RNLS: variants seen among roughly 807,000 people sequenced by gnomAD.
RNLS encodes the protein renalase.
In RNLS, 39 loss-of-function variants were observed where a neutral mutation model predicts 39.8. The observed-to-expected ratio is 0.98, with a 90% CI of 0.76 to 1.28. The LOEUF is 1.28. RNLS is among the 50% of genes most tolerant of loss of function. The pLI, the probability that RNLS is intolerant of heterozygous loss-of-function variation, is 0.00. For missense variants in RNLS, 410 were observed against 413.3 expected, an observed-to-expected ratio of 0.99 and a Z score of 0.07; for synonymous variants, 147 against 150.7, an observed-to-expected ratio of 0.98 and a Z score of 0.18.
chr10:88,448,188 C>G (rs1463388638), intron 4 of RNLS, among the ~76,000 whole-genome samples: 1 of 152,028 alleles, frequency 6.6e-6, no homozygotes, highest in Non-Finnish European at 1.5e-5. Context: ...AGCTTCTGCA[C>G]AGCAAAAGAA....
In RNLS at chr10:88,573,077, A is replaced by G. The variant is rs1564912531; in HGVS notation, c.368-16T>C. The G allele has an allele frequency of 1.9e-6, 3 of 1,610,876 alleles. No individual in the cohort carries two copies. The African/African-American group carries it at 4.0e-5, about 21-fold the overall frequency. ...ACTTCTGCACCTGTTCCAAAAGCAA[A>G]ATCATGTCCCCATTATCAGAATTGC... is the stretch of plus-strand genomic sequence containing the variant. On this transcript the variant is annotated splice_polypyrimidine_tract_variant and intron_variant, in intron 3 of 6. Coordinates refer to ENST00000331772, the MANE Select transcript of RNLS (RefSeq NM_001031709.3).
In RNLS at chr10:88,285,015, T is replaced by C. The variant is rs1353489115; in HGVS notation, c.*339A>G. ...TTCAGAATTGAAATTTTCATAAGGATAATCAAGTTTTTGGCACACAAACTG... is the reference window on the plus strand; with the variant it reads ...TTCAGAATTGAAATTTTCATAAGGACAATCAAGTTTTTGGCACACAAACTG... On this transcript the variant is annotated 3_prime_UTR_variant, in exon 7 of 7. Coordinates refer to ENST00000331772, the MANE Select transcript of RNLS (RefSeq NM_001031709.3). 2.0e-6 allele frequency: 2 copies of C among 1,005,578 alleles called. No individual in the cohort carries two copies. Among genetic ancestry groups the C allele is most frequent in the Non-Finnish European group, 2.4e-6 (2 of 843,618 alleles). 62.3% of individuals were successfully genotyped at this position (1,005,578 alleles called of 1,614,324 possible).
the RNLS span, among the ~76,000 whole-genome samples, chr10:88,260,036 G>A: frequency 9.9e-5 from 15 of 152,120 alleles, no homozygotes; most frequent in Admixed American, 1.3e-4. Flanking sequence ...CACAGCACCC[G>A]GCCAAAGATG....
At chr10:88,343,221 T>C (rs1348594803) in intron 5 of RNLS, among the ~76,000 whole-genome samples, 1 of 152,092 alleles carries the variant, frequency 6.6e-6, no homozygotes, top group Non-Finnish European at 1.5e-5. Flanking sequence ...GGGGCAAGGA[T>C]GGAAAAGCCA....
At position 88,498,158 on chromosome 10, in the gene RNLS, C is replaced by T. The variant is rs1325270228; in HGVS notation, c.526+74745G>A. On this transcript the variant is annotated intron_variant, in intron 4 of 6. Transcript: ENST00000331772. ...GAAGAAATCTGACAAACCACCTAGA[C>T]CAAGTGATCATCACCAGTTAACATC... 7.9e-5 allele frequency among the ~76,000 whole-genome samples: 12 copies of T among 151,928 alleles called. No homozygotes were observed. The East Asian group carries it at 1.6e-3, about 20-fold the overall frequency.
At chr10:88,495,431 T>C (rs1041879322) in intron 4 of RNLS, among the ~76,000 whole-genome samples, 3 of 152,166 alleles carry the variant, frequency 2.0e-5, no homozygotes, top group East Asian at 1.9e-4. Context: ...CAAATGGTTA[T>C]ATTATGTTAG....
At chr10:88,175,799 T>A in the RNLS span, among the ~76,000 whole-genome samples, 1 of 152,166 alleles carries the variant, frequency 6.6e-6, no homozygotes, top group Non-Finnish European at 1.5e-5. Context: ...TTTTTTAAAT[T>A]TTCTGTCCAG....
chr10:88,352,635 C>T (rs1433815075), intron 5 of RNLS, among the ~76,000 whole-genome samples: 1 of 152,190 alleles, frequency 6.6e-6, no homozygotes. Context: ...CATCGATGTT[C>T]ATCAGGGATA....
At chr10:88,581,315 T>TATATAC (rs1318796903) in intron 3 of RNLS, among the ~76,000 whole-genome samples, 51 of 147,598 alleles carry the variant, frequency 3.5e-4, no homozygotes, top group African/African-American at 1.2e-3. Context: ...TATATATATA[T>TATATAC]ACATCTATAA....
At chr10:88,393,221 G>A (rs1852321855) in intron 4 of RNLS, among the ~76,000 whole-genome samples, 1 of 152,120 alleles carries the variant, frequency 6.6e-6, no homozygotes, top group Admixed American at 6.5e-5. Context: ...GAAATAAAGG[G>A]TATTCAATTA....
intron 5 of RNLS, among the ~76,000 whole-genome samples, chr10:88,329,718 T>C (rs1250587676): frequency 6.6e-6 from 1 of 152,170 alleles, no homozygotes. Flanking sequence ...TGCTAAATTC[T>C]GTGTAATTTT....
intron 4 of RNLS, among the ~76,000 whole-genome samples, chr10:88,508,095 G>A (rs1367648466): frequency 1.3e-5 from 2 of 152,146 alleles, no homozygotes; most frequent in Non-Finnish European, 2.9e-5. Flanking sequence ...TTATTAGTAA[G>A]TCTCTTATCC....
intron 4 of RNLS, among the ~76,000 whole-genome samples, chr10:88,374,421 C>A (rs933354564): frequency 1.3e-5 from 2 of 152,098 alleles, no homozygotes; most frequent in Non-Finnish European, 2.9e-5. Flanking sequence ...TAGAACATAG[C>A]AGGTGGTTTA....
intron 4 of RNLS, among the ~76,000 whole-genome samples, chr10:88,543,652 A>G (rs999131462): frequency 1.3e-5 from 2 of 152,182 alleles, no homozygotes; most frequent in Admixed American, 6.6e-5. Context: ...TACTAAGTAC[A>G]CACAAAAAAA....
chr10:88,511,092 C>T lies in RNLS; in HGVS notation c.526+61811G>A, dbSNP rs117090342. Reference sequence around the variant, plus strand: ...GGAGACATAAGAATATGGATTAAGACGAGGGAGAAATCTATTCTAAAATTT... The same window carrying T: ...GGAGACATAAGAATATGGATTAAGATGAGGGAGAAATCTATTCTAAAATTT... On this transcript the variant is annotated intron_variant, in intron 4 of 6. Coordinates refer to ENST00000331772, the MANE Select transcript of RNLS (RefSeq NM_001031709.3). Among the ~76,000 whole-genome samples the T allele has an allele frequency of 1.1e-4, 17 of 150,734 alleles. 1 individual carries two copies. Among genetic ancestry groups the T allele is most frequent in the Middle Eastern group, 6.9e-3 (2 of 290 alleles).
chr10:88,415,041 G>A (rs1853929285), intron 4 of RNLS, among the ~76,000 whole-genome samples: 1 of 152,176 alleles, frequency 6.6e-6, no homozygotes, highest in Non-Finnish European at 1.5e-5. Flanking sequence ...CACAGATACT[G>A]TATGTGTGAG....
chr10:88,545,267 T>C (rs1295589127), intron 4 of RNLS, among the ~76,000 whole-genome samples: 4 of 152,114 alleles, frequency 2.6e-5, no homozygotes, highest in East Asian at 3.8e-4. Context: ...ACCAAAAATA[T>C]AATAAACAGA....
At chr10:88,311,488 CTGTT>C (rs1845380122) in intron 6 of RNLS, among the ~76,000 whole-genome samples, 1 of 152,182 alleles carries the variant, frequency 6.6e-6, no homozygotes. Context: ...CATTGCTTTT[CTGTT>C]TGTTTGAACC....
chr10:88,200,991 CTT>C, the RNLS span, among the ~76,000 whole-genome samples: 12,751 of 147,452 alleles, frequency 0.086, 554 homozygotes, highest in Middle Eastern at 0.11. Flanking sequence ...AAAATGAATC[CTT>C]TTTTTTTTTT....
Sources: allele counts gnomAD v4.1 joint callset (sites outside exome capture counted in the v4.1 genomes callset), GRCh38; gene constraint gnomAD v4.1.1; transcripts MANE v1.5; gene names NCBI Gene and HGNC (gene_info 2026-07-23, HGNC 2026-07-21).